The following ATXN1 variants were observed in gnomAD, a reference collection of about 807,000 sequenced individuals.
ATXN1 encodes the protein ataxin 1.
Under a neutral mutation model 56.4 loss-of-function variants are expected in ATXN1, and 8 were observed. That is an observed-to-expected ratio of 0.14 (90% CI 0.08 to 0.26). The LOEUF (loss-of-function observed/expected upper bound fraction) is 0.26. Ranked by LOEUF, ATXN1 falls within the 10% of genes least tolerant of loss-of-function variation. The pLI is 1.00. For synonymous variants in ATXN1, 514 were observed against 494.6 expected (o/e 1.04, Z -0.52); for missense variants, 987 against 1,106.5 (o/e 0.89, Z 1.53).
chr6:16,371,026 A>AT (rs1762030065), intron 6 of ATXN1, among the ~76,000 whole-genome samples: 1 of 152,206 alleles, frequency 6.6e-6, no homozygotes, highest in Non-Finnish European at 1.5e-5. Flanking sequence ...TATTGGGAGC[A>AT]TAGAGTGTCA....
At chr6:16,455,012 G>A (rs1364361229) in intron 6 of ATXN1, among the ~76,000 whole-genome samples, 3 of 152,192 alleles carry the variant, frequency 2.0e-5, no homozygotes, top group Non-Finnish European at 4.4e-5. Flanking sequence ...GAATGCGAGA[G>A]GATATATGAA....
intron 5 of ATXN1, among the ~76,000 whole-genome samples, chr6:16,489,449 A>G (rs1011658195): frequency 6.6e-6 from 1 of 152,188 alleles, no homozygotes; most frequent in African/African-American, 2.4e-5. Context: ...CTGTTCTTCC[A>G]ATCCATTACA....
At chr6:16,550,155 C>CAAAA (rs70999336) in intron 4 of ATXN1, among the ~76,000 whole-genome samples, 1 of 91,194 alleles carries the variant, frequency 1.1e-5, no homozygotes, top group African/African-American at 4.5e-5. Flanking sequence ...AAATAAAATA[C>CAAAA]AAAAAAAAAA....
intron 5 of ATXN1, among the ~76,000 whole-genome samples, chr6:16,503,796 A>G (rs1020077033): frequency 6.6e-6 from 1 of 152,186 alleles, no homozygotes; most frequent in Non-Finnish European, 1.5e-5. Context: ...GTAAATATAC[A>G]TATATATTAC....
rs796623189 is a variant in ATXN1, at chr6:16,640,689, G to GA, written c.-489+17086dup. Among the ~76,000 whole-genome samples, 723 of 118,058 alleles carry GA rather than the reference G, an allele frequency of 6.1e-3. 7 individuals are homozygous for GA. The highest frequency in any genetic ancestry group is 0.019 in the African/African-American group (597 of 32,004). 77.5% of individuals were successfully genotyped at this position (118,058 alleles called of 152,430 possible). Reference sequence around the variant, plus strand: ...CAGAGCGAGACTCTGTCTCAAAAAAGAAAAAAAAAAAAGAATATTGAAATT... The same window carrying GA: ...CAGAGCGAGACTCTGTCTCAAAAAAGAAAAAAAAAAAAAGAATATTGAAATT... On this transcript the variant is annotated intron_variant, in intron 3 of 7. Transcript: ENST00000436367.
chr6:16,515,998 T>C (rs1182649815), intron 5 of ATXN1, among the ~76,000 whole-genome samples: 2 of 152,118 alleles, frequency 1.3e-5, no homozygotes, highest in African/African-American at 4.8e-5. Flanking sequence ...GAACTGTGAG[T>C]TGAGCTCTGG....
At chr6:16,440,648 A>AAAAAAAAAAAAAAAAAAAGAAAG (rs748929817) in intron 6 of ATXN1, among the ~76,000 whole-genome samples, 77 of 118,528 alleles carry the variant, frequency 6.5e-4, no homozygotes, top group African/African-American at 2.3e-3. Flanking sequence ...CTTAAAAAAA[A>AAAAAAAAAAAAAAAAAAAGAAAG]AAAAGAAAAG....
At chr6:16,318,172 G>A (rs558893405) in intron 7 of ATXN1, among the ~76,000 whole-genome samples, 25 of 152,278 alleles carry the variant, frequency 1.6e-4, no homozygotes, top group African/African-American at 6.0e-4. Flanking sequence ...AAAACAAAAC[G>A]TCTGTTGTTT....
At chr6:16,508,022 T>C (rs1481108985) in intron 5 of ATXN1, among the ~76,000 whole-genome samples, 1 of 152,212 alleles carries the variant, frequency 6.6e-6, no homozygotes, top group Non-Finnish European at 1.5e-5. Flanking sequence ...CAATGTAGGA[T>C]GCCTCCCTAT....
intron 6 of ATXN1, among the ~76,000 whole-genome samples, chr6:16,347,737 T>C (rs1761449808): frequency 6.6e-6 from 1 of 152,212 alleles, no homozygotes; most frequent in African/African-American, 2.4e-5. Flanking sequence ...ATCAGTACCC[T>C]GTCAAAACAG....
chr6:16,724,616 T>A (rs1156322637), intron 2 of ATXN1, among the ~76,000 whole-genome samples: 1 of 152,224 alleles, frequency 6.6e-6, no homozygotes, highest in Non-Finnish European at 1.5e-5. Flanking sequence ...ACCCGAGTTC[T>A]ATGTACAATA....
chr6:16,746,903 G>A (rs1342134914), intron 2 of ATXN1, among the ~76,000 whole-genome samples: 6 of 151,962 alleles, frequency 3.9e-5, no homozygotes, highest in African/African-American at 7.3e-5. Flanking sequence ...GAAGAGTCCC[G>A]AGAGATCATT....
At chr6:16,624,126 A>T (rs1474327281) in intron 3 of ATXN1, among the ~76,000 whole-genome samples, 2 of 152,100 alleles carry the variant, frequency 1.3e-5, no homozygotes, top group Admixed American at 1.3e-4. Context: ...CGAGGTGGGC[A>T]GATCACCTGA....
chr6:16,504,725 C>T (rs1460265007), intron 5 of ATXN1, among the ~76,000 whole-genome samples: 1 of 152,130 alleles, frequency 6.6e-6, no homozygotes, highest in Non-Finnish European at 1.5e-5. Context: ...CTGCTCCCCA[C>T]AAAGACCTCT....
In ATXN1 at chr6:16,634,790, C is replaced by CGT. The variant is rs569110116; in HGVS notation, c.-489+22984_-489+22985dup. 5.5e-4 allele frequency among the ~76,000 whole-genome samples: 84 copies of CGT among 151,732 alleles called. No homozygotes were observed. In the East Asian group the frequency reaches 0.013, roughly 24 times the overall value. On this transcript the variant is annotated intron_variant, in intron 3 of 7. Transcript: ENST00000436367. ...AATATTCCATTAAACATTTATTTTG[C>CGT]GTGTGTGTGTGTGAGGAGGATACAT...
At chr6:16,361,695 C>G (rs1204747802) in intron 6 of ATXN1, among the ~76,000 whole-genome samples, 2 of 152,196 alleles carry the variant, frequency 1.3e-5, no homozygotes, top group African/African-American at 4.8e-5. Context: ...ACTGTCCTCT[C>G]TCTTCCCAAA....
intron 6 of ATXN1, among the ~76,000 whole-genome samples, chr6:16,422,234 G>A (rs1354409390): frequency 1.3e-5 from 2 of 152,078 alleles, no homozygotes; most frequent in Non-Finnish European, 2.9e-5. Context: ...CAAGTACTCC[G>A]GCGACACACT....
chr6:16,661,382 A>C (rs1214704319), intron 2 of ATXN1, among the ~76,000 whole-genome samples: 1 of 152,208 alleles, frequency 6.6e-6, no homozygotes, highest in Non-Finnish European at 1.5e-5. Flanking sequence ...CCGACTTTTA[A>C]GTAAAATGGG....
intron 2 of ATXN1, among the ~76,000 whole-genome samples, chr6:16,735,497 T>C (rs1193917637): frequency 1.3e-5 from 2 of 152,194 alleles, no homozygotes; most frequent in Non-Finnish European, 2.9e-5. Context: ...GAAACAAATC[T>C]AATGGTTTAT....
Sources: allele counts gnomAD v4.1 joint callset (sites outside exome capture counted in the v4.1 genomes callset), GRCh38; gene constraint gnomAD v4.1.1; transcripts MANE v1.5; gene names NCBI Gene and HGNC (gene_info 2026-07-23, HGNC 2026-07-21).